Variants in KBTBD2 observed in about 807,000 individuals in gnomAD.
KBTBD2 encodes the protein kelch repeat and BTB domain-containing protein 2.
In KBTBD2, 17 loss-of-function variants were observed where a neutral mutation model predicts 57.1. That is an observed-to-expected ratio of 0.30 (90% CI 0.20 to 0.45). The LOEUF is 0.45. Ranked by LOEUF, KBTBD2 falls within the 20% of genes least tolerant of loss-of-function variation. The probability of loss-of-function intolerance (pLI) is 1.00; values close to 1 mark genes in which losing one functional copy is unlikely to be tolerated. For synonymous variants in KBTBD2, 267 were observed against 262.7 expected (o/e 1.02, Z -0.16); for missense variants, 515 against 750.6 (o/e 0.69, Z 3.67).
chr7:32,878,307 G>A (rs559609098), intron 2 of KBTBD2, among the ~76,000 whole-genome samples: 11 of 151,446 alleles, frequency 7.3e-5, no homozygotes, highest in South Asian at 2.1e-4. Flanking sequence ...CAGGCGGTGC[G>A]CAGTGGCTCA....
At chr7:32,891,387 G>A (rs1218786378) in intron 1 of KBTBD2, 149 bp downstream of exon 1, 2 of 148,452 alleles carry the variant, frequency 1.3e-5, no homozygotes, top group South Asian at 4.2e-4. Context: ...CGGCGGAAGC[G>A]TCTCGGGTTT....
chr7:32,887,441 A>C (rs1185273183), intron 1 of KBTBD2, among the ~76,000 whole-genome samples: 1 of 152,268 alleles, frequency 6.6e-6, no homozygotes, highest in African/African-American at 2.4e-5. Flanking sequence ...AAATAGCCTG[A>C]TTTAATCATT....
intron 3 of KBTBD2, among the ~76,000 whole-genome samples, chr7:32,872,873 G>A (rs1230678136): frequency 6.6e-6 from 1 of 152,094 alleles, no homozygotes; most frequent in Non-Finnish European, 1.5e-5. Flanking sequence ...TGGCTGAACT[G>A]GATTTCTGGT....
Position 32,879,505 on chromosome 7 carries a change from CTA to C in KBTBD2, c.98_99del (p.Ile33SerfsTer5). On this transcript the variant is annotated frameshift_variant, in exon 2 of 4. Transcript: ENST00000304056. LOFTEE classifies it high-confidence loss of function. ...LFYEQQLFTD[I>X]VLIVEGTEFP... ...AATTCAGTGCCCTCAACAATTAACA[CTA>C]TGTCAGTAAACAACTGCTGTTCATA... The C allele has an allele frequency of 6.2e-7, 1 of 1,613,288 alleles. No individual in the cohort carries two copies. Among genetic ancestry groups the C allele is most frequent in the Non-Finnish European group, 8.5e-7 (1 of 1,179,352 alleles).
intron 2 of KBTBD2, among the ~76,000 whole-genome samples, chr7:32,877,525 T>C (rs896201399): frequency 1.4e-4 from 21 of 152,160 alleles, no homozygotes; most frequent in Admixed American, 1.4e-3. Context: ...AGGAAGAATG[T>C]ATTTAGTTCA....
intron 1 of KBTBD2, among the ~76,000 whole-genome samples, chr7:32,883,701 G>A (rs1461648063): frequency 3.3e-5 from 5 of 152,190 alleles, no homozygotes; most frequent in Admixed American, 3.3e-4. Context: ...CAGGTATCAA[G>A]GAAACTGTTG....
In KBTBD2 at chr7:32,870,894, G is replaced by GAAA. The variant is rs78551196; in HGVS notation, c.337-17_337-15dup. 1 of 1,303,566 alleles carries GAAA rather than the reference G, an allele frequency of 7.7e-7. No homozygotes were observed. The highest frequency in any genetic ancestry group is 1.0e-6 in the Non-Finnish European group (1 of 988,072). 80.7% of individuals were successfully genotyped at this position (1,303,566 alleles called of 1,614,324 possible). Reference sequence around the variant, plus strand: ...CACATCTTCTACCTAGAATGAGAAGGAAAAAAAAAACAGGCTGATAGGGCC... The same window carrying GAAA: ...CACATCTTCTACCTAGAATGAGAAGGAAAAAAAAAAAAACAGGCTGATAGGGCC... On this transcript the variant is annotated splice_polypyrimidine_tract_variant and intron_variant, in intron 3 of 3. Coordinates refer to ENST00000304056, the MANE Select transcript of KBTBD2 (RefSeq NM_015483.3).
At chr7:32,885,381 C>T (rs1286468181) in intron 1 of KBTBD2, among the ~76,000 whole-genome samples, 1 of 151,080 alleles carries the variant, frequency 6.6e-6, no homozygotes, top group African/African-American at 2.4e-5. Context: ...ACATCTTTTA[C>T]CTAGTCACAC....
chr7:32,875,563 T>C (rs1054098334), intron 2 of KBTBD2, among the ~76,000 whole-genome samples: 6 of 152,188 alleles, frequency 3.9e-5, no homozygotes, highest in Non-Finnish European at 5.9e-5. Context: ...TGAGCCACTG[T>C]GCCTAGCCAA....
rs766870700 is a variant in KBTBD2, at chr7:32,870,344, T to C, written c.873A>G (p.Gln291=). 8.1e-6 allele frequency: 13 copies of C among 1,613,620 alleles called. No homozygotes were observed. The African/African-American group carries it at 9.3e-5, about 12-fold the overall frequency. ...SLYSSVCYSP[Q]AEKVYKLCSP... is the part of the protein sequence containing the mutation. ...TACATAACTTGTAAACTTTTTCTGC[T>C]TGGGGGCTGTAACAGACAGAAGAGT... Residue 291 remains glutamine, a synonymous_variant, in exon 4 of 4, where the codon CAA becomes CAG. Coordinates refer to ENST00000304056, the MANE Select transcript of KBTBD2 (RefSeq NM_015483.3).
intron 1 of KBTBD2, chr7:32,891,118 T>C (rs1425045938): frequency 1.3e-5 from 2 of 152,182 alleles, no homozygotes; most frequent in Non-Finnish European, 2.9e-5. Flanking sequence ...GTGTCCTCCT[T>C]CGGCCCACCA....
At chr7:32,879,125 T>C (rs868673124) in intron 2 of KBTBD2, among the ~76,000 whole-genome samples, 2 of 151,842 alleles carry the variant, frequency 1.3e-5, no homozygotes, top group African/African-American at 4.9e-5. Context: ...AAAGGCAGCA[T>C]TTTAAAATCT....
rs1784119483 is a variant in KBTBD2, at chr7:32,869,620, A to C, written c.1597T>G (p.Ser533Ala). The change falls in exon 4 of 4, where the codon TCT (serine) becomes GCT (alanine). Residue 533 changes from serine (S) to alanine (A), a missense_variant. Transcript: ENST00000304056. ...PCVRAVVISN[S>A]LCVFMRETHL... Reference sequence around the variant, plus strand: ...GTTTCTCGCATAAACACACATAGAGAATTTGAGATCACAACAGCTCTAACA... The same window carrying C: ...GTTTCTCGCATAAACACACATAGAGCATTTGAGATCACAACAGCTCTAACA... The C allele has an allele frequency of 6.2e-7, 1 of 1,613,980 alleles. No homozygotes were observed. The highest frequency in any genetic ancestry group is 1.3e-5 in the African/African-American group (1 of 74,890).
chr7:32,883,979 T>G (rs1016328644), intron 1 of KBTBD2, among the ~76,000 whole-genome samples: 1 of 152,196 alleles, frequency 6.6e-6, no homozygotes, highest in African/African-American at 2.4e-5. Context: ...TATGAAACAT[T>G]TTTCTTGAAA....
rs2127960099 is a variant in KBTBD2 at position 32,891,536 on chromosome 7, C to T, written c.-339G>A. Reference sequence around the variant, plus strand: ...CCCGGCGCTACTGTCGCCTGCTCACCCGCGTCCCTCGGTCCGGAGGTGTGG... The same window carrying T: ...CCCGGCGCTACTGTCGCCTGCTCACTCGCGTCCCTCGGTCCGGAGGTGTGG... On this transcript the variant is annotated splice_region_variant and 5_prime_UTR_variant, in exon 1 of 4. Coordinates refer to ENST00000304056, the MANE Select transcript of KBTBD2 (RefSeq NM_015483.3). 1 of 151,396 alleles carries T rather than the reference C, an allele frequency of 6.6e-6. No homozygotes were observed. Among genetic ancestry groups the T allele is most frequent in the South Asian group, 2.1e-4 (1 of 4,828 alleles). The allele number at this position is 151,396 out of a possible 1,614,324, so 9.4% of individuals were successfully genotyped here. A position where few individuals can be genotyped will look rare whatever the true frequency, so the allele number is the denominator to read the frequency against.
intron 1 of KBTBD2, among the ~76,000 whole-genome samples, chr7:32,887,028 G>A (rs554406003): frequency 1.3e-5 from 2 of 152,252 alleles, no homozygotes; most frequent in South Asian, 4.1e-4. Flanking sequence ...ATTCCTAGAG[G>A]TGTGTACTTT....
intron 2 of KBTBD2, among the ~76,000 whole-genome samples, chr7:32,878,510 G>A (rs1198819849): frequency 6.6e-6 from 1 of 151,528 alleles, no homozygotes; most frequent in Non-Finnish European, 1.5e-5. Context: ...AACCCAAGAG[G>A]CAGAGGTTGC....
At chr7:32,872,779 C>T (rs544112759) in intron 3 of KBTBD2, among the ~76,000 whole-genome samples, 1 of 152,288 alleles carries the variant, frequency 6.6e-6, no homozygotes, top group South Asian at 2.1e-4. Context: ...CACGGGAGCA[C>T]TTCAGAGTCT....
intron 3 of KBTBD2, among the ~76,000 whole-genome samples, chr7:32,873,989 A>C (rs1784245994): frequency 6.6e-6 from 1 of 152,278 alleles, no homozygotes; most frequent in East Asian, 1.9e-4. Context: ...TGGGCCAGGC[A>C]TGGTGGTTCA....
Sources: gnomAD v4.1 joint callset for allele counts (sites outside exome capture counted in the v4.1 genomes callset) on GRCh38, gnomAD v4.1.1 for gene constraint, MANE v1.5 for transcripts, NCBI Gene and HGNC (gene_info 2026-07-23, HGNC 2026-07-21) for gene names.